PLCXD1: variants seen among roughly 807,000 people sequenced by gnomAD.
PLCXD1 encodes the protein phosphatidylinositol specific phospholipase C X domain containing 1.
In PLCXD1, 45 loss-of-function variants were observed where a neutral mutation model predicts 37.8. That is an observed-to-expected ratio of 1.19 (90% CI 0.94 to 1.53). PLCXD1 has a LOEUF of 1.53. Among genes scored for constraint, PLCXD1 ranks in the 40% most tolerant of loss-of-function variants. The pLI is 0.00. For synonymous variants in PLCXD1, 246 were observed against 206.9 expected (o/e 1.19, Z -1.62); for missense variants, 539 against 454.7 (o/e 1.19, Z -1.69).
intron 1 of PLCXD1, among the ~76,000 whole-genome samples, chrX:282,452 C>T (rs566817951): frequency 2.0e-5 from 3 of 151,798 alleles, no homozygotes; most frequent in South Asian, 2.1e-4. Context: ...CGCCAGTAAT[C>T]CCAGCACTTT....
intron 6 of PLCXD1, among the ~76,000 whole-genome samples, chrX:294,326 C>G (rs1010665534): frequency 3.3e-5 from 5 of 151,904 alleles, no homozygotes; most frequent in African/African-American, 4.8e-5. Flanking sequence ...ACTAAAAATA[C>G]AAAAAATTAG....
In PLCXD1 at chrX:303,171, C is replaced by T. The variant is rs1392709156; in HGVS notation, c.*3836C>T. On this transcript the variant is annotated 3_prime_UTR_variant, in exon 7 of 7. Coordinates refer to ENST00000381657, the MANE Select transcript of PLCXD1 (RefSeq NM_018390.4). ...AGAAAGACGCACTCCTGGACCACAA[C>T]CGGCGGCTACCTCAGCCCCACGGCT... 1 of 152,266 alleles carries T rather than the reference C, an allele frequency of 6.6e-6. No individual in the cohort carries two copies. Among genetic ancestry groups the T allele is most frequent in the African/African-American group, 2.4e-5 (1 of 41,558 alleles). The allele number at this position is 152,266 out of a possible 1,614,324, so 9.4% of individuals were successfully genotyped here. A position where few individuals can be genotyped will look rare whatever the true frequency, so the allele number is the denominator to read the frequency against.
At chrX:293,694 T>C (rs1393337804) in intron 6 of PLCXD1, among the ~76,000 whole-genome samples, 4 of 151,962 alleles carry the variant, frequency 2.6e-5, no homozygotes, top group East Asian at 1.9e-4. Context: ...TACACAGCCA[T>C]GAAAAAGAAC....
chrX:285,871 C>T (rs1182951070), intron 2 of PLCXD1, among the ~76,000 whole-genome samples: 5 of 152,154 alleles, frequency 3.3e-5, no homozygotes, highest in East Asian at 1.9e-4. Context: ...CCCTCCAACT[C>T]GCCTTAGGAA....
chrX:277,212 G>GACACCCCTCA (rs2069174108), upstream of PLCXD1, among the ~76,000 whole-genome samples: 1 of 149,886 alleles, frequency 6.7e-6, no homozygotes, highest in African/African-American at 2.4e-5. Context: ...GACAGGAGGG[G>GACACCCCTCA]GCGCCCCTCA....
chrX:283,260 C>CA (rs111674330), intron 1 of PLCXD1: 74,118 of 136,844 alleles, frequency 0.54, 20,068 homozygotes, highest in East Asian at 0.64. Flanking sequence ...AACTGCGTCT[C>CA]AAAAAAAAAA....
At chrX:294,284 C>T (rs1255171643) in intron 6 of PLCXD1, among the ~76,000 whole-genome samples, 7 of 152,230 alleles carry the variant, frequency 4.6e-5, no homozygotes, top group East Asian at 3.9e-4. Flanking sequence ...AGATCGAGAC[C>T]ATCCCGGCTA....
At position 289,663 on chromosome X, in the gene PLCXD1, G is replaced by A. The variant is rs183888879; in HGVS notation, c.264+794G>A. Among the ~76,000 whole-genome samples the A allele has an allele frequency of 1.7e-4, 26 of 150,918 alleles. No individual in the cohort carries two copies. In the South Asian group the frequency reaches 3.8e-3, roughly 22 times the overall value. Reference sequence around the variant, plus strand: ...AGTAGCTGGGACTACAGGCTCCCGCGACCACGCCCGGCTAATTTTTGGTAT... The same window carrying A: ...AGTAGCTGGGACTACAGGCTCCCGCAACCACGCCCGGCTAATTTTTGGTAT... On this transcript the variant is annotated intron_variant, in intron 3 of 6. Coordinates refer to ENST00000381657, the MANE Select transcript of PLCXD1 (RefSeq NM_018390.4).
intron 6 of PLCXD1, among the ~76,000 whole-genome samples, chrX:294,367 A>C (rs2069736671): frequency 6.6e-6 from 1 of 152,086 alleles, no homozygotes; most frequent in African/African-American, 2.4e-5. Flanking sequence ...CTGTAATCCC[A>C]GCTACTCCGG....
rs755106253 is a variant in PLCXD1 at position 299,630 on chromosome X, G to A, written c.*295G>A. The A allele has an allele frequency of 1.7e-3, 859 of 512,798 alleles. 4 individuals are homozygous for A. Among genetic ancestry groups the A allele is most frequent in the African/African-American group, 0.014 (744 of 51,868 alleles). The allele number at this position is 512,798 out of a possible 1,614,324, so 31.8% of individuals were successfully genotyped here. A position where few individuals can be genotyped will look rare whatever the true frequency, so the allele number is the denominator to read the frequency against. Reference sequence around the variant, plus strand: ...AAACTTAGCTGGGTGTGTGGCAGGCGCCTGTAGTCCCAGTTACTCGGGAGG... The same window carrying A: ...AAACTTAGCTGGGTGTGTGGCAGGCACCTGTAGTCCCAGTTACTCGGGAGG... On this transcript the variant is annotated 3_prime_UTR_variant, in exon 7 of 7. Transcript: ENST00000381657.
intron 2 of PLCXD1, 66 bp from the exon 3 acceptor site, chrX:288,667 G>T (rs2069530452): frequency 6.4e-7 from 1 of 1,561,800 alleles, no homozygotes; most frequent in Non-Finnish European, 8.8e-7. Flanking sequence ...GGGCTGTGGA[G>T]CGACTCACAG....
At chrX:296,508 C>G (rs2069813323) in intron 6 of PLCXD1, among the ~76,000 whole-genome samples, 1 of 152,198 alleles carries the variant, frequency 6.6e-6, no homozygotes, top group African/African-American at 2.4e-5. Flanking sequence ...ATCAGTCCAG[C>G]TGGTCAACAC....
intron 6 of PLCXD1, among the ~76,000 whole-genome samples, chrX:296,873 TTCTG>T (rs1379214997): frequency 6.8e-6 from 1 of 145,998 alleles, no homozygotes; most frequent in African/African-American, 2.5e-5. Context: ...GGGGACATTA[TTCTG>T]TCTCCCACAT....
At chrX:294,286 T>C (rs1341501339) in intron 6 of PLCXD1, among the ~76,000 whole-genome samples, 2 of 151,946 alleles carry the variant, frequency 1.3e-5, no homozygotes, top group Non-Finnish European at 2.9e-5. Context: ...ATCGAGACCA[T>C]CCCGGCTAAC....
intron 6 of PLCXD1, among the ~76,000 whole-genome samples, chrX:296,476 C>T (rs1435408551): frequency 4.6e-5 from 7 of 152,142 alleles, no homozygotes; most frequent in Non-Finnish European, 8.8e-5. Context: ...CGTCTGTTGC[C>T]TTTGCCGTCT....
intron 1 of PLCXD1, among the ~76,000 whole-genome samples, chrX:282,172 A>G (rs1000800320): frequency 6.6e-5 from 10 of 152,194 alleles, no homozygotes; most frequent in African/African-American, 2.4e-4. Context: ...GATTAAATCA[A>G]TTAGATCTAA....
At chrX:287,900 G>A (rs1226666245) in intron 2 of PLCXD1, among the ~76,000 whole-genome samples, 3 of 151,892 alleles carry the variant, frequency 2.0e-5, no homozygotes, top group Non-Finnish European at 4.4e-5. Context: ...TCAGGAGGCG[G>A]CAAAGAACAG....
rs780971691 is a variant in PLCXD1, at chrX:291,490, C to A, written c.394-9C>A. On this transcript the variant is annotated splice_polypyrimidine_tract_variant and intron_variant, in intron 4 of 6. Coordinates refer to ENST00000381657, the MANE Select transcript of PLCXD1 (RefSeq NM_018390.4). ...CGTGCAGGACTCAGCCCAGCACCCC[C>A]CTCCCCAGGACACACTCACGGAAAT... 3.0e-5 allele frequency: 49 copies of A among 1,612,152 alleles called. No homozygotes were observed. The highest frequency in any genetic ancestry group is 2.1e-4 in the Middle Eastern group (1 of 4,794).
chrX:295,684 C>T (rs1394214540), intron 6 of PLCXD1, among the ~76,000 whole-genome samples: 1 of 151,326 alleles, frequency 6.6e-6, no homozygotes, highest in South Asian at 2.1e-4. Context: ...GCCACCACAC[C>T]CGGCTAATTT....
Sources: allele counts gnomAD v4.1 joint callset (sites outside exome capture counted in the v4.1 genomes callset), GRCh38; gene constraint gnomAD v4.1.1; transcripts MANE v1.5; gene names NCBI Gene and HGNC (gene_info 2026-07-23, HGNC 2026-07-21).